Variants in ARMC3 observed in about 807,000 individuals in gnomAD.
The protein encoded by ARMC3 is armadillo repeat-containing protein 3.
A neutral mutation model predicts 90.3 loss-of-function variants in ARMC3; 74 were observed. The ratio of observed to expected loss-of-function variants is 0.82; its 90% CI spans 0.68 to 0.99. The LOEUF (loss-of-function observed/expected upper bound fraction) is 0.99. Among genes scored for constraint, ARMC3 ranks in the 50% least tolerant of loss-of-function variants. ARMC3 has a pLI of 0.00. For synonymous variants in ARMC3, 334 were observed against 361.8 expected, an observed-to-expected ratio of 0.92 and a Z score of 0.87; for missense variants, 958 against 1,042.8, an observed-to-expected ratio of 0.92 and a Z score of 1.12.
intron 16 of ARMC3, among the ~76,000 whole-genome samples, chr10:23,016,101 T>G (rs1724138794): frequency 6.6e-6 from 1 of 152,216 alleles, no homozygotes; most frequent in African/African-American, 2.4e-5. Flanking sequence ...TTGGGTGGAA[T>G]AGGACACCCA....
At chr10:22,948,419 G>T (rs1834621318) in intron 3 of ARMC3, among the ~76,000 whole-genome samples, 1 of 151,830 alleles carries the variant, frequency 6.6e-6, no homozygotes, top group South Asian at 2.1e-4. Context: ...ATAATTTTAA[G>T]TCTGATGTTT....
chr10:23,023,034 T>C (rs1192377575), intron 16 of ARMC3, among the ~76,000 whole-genome samples: 1 of 151,990 alleles, frequency 6.6e-6, no homozygotes, highest in Non-Finnish European at 1.5e-5. Context: ...CCAAGAGACA[T>C]GGACTGGGGG....
At chr10:23,033,788 G>T (rs1839016896) in intron 18 of ARMC3, among the ~76,000 whole-genome samples, 1 of 152,166 alleles carries the variant, frequency 6.6e-6, no homozygotes, top group Non-Finnish European at 1.5e-5. Context: ...AAGAAGTGTG[G>T]TTGATCCATG....
chr10:23,032,427 G>A (rs577952850), intron 17 of ARMC3, among the ~76,000 whole-genome samples: 1 of 152,244 alleles, frequency 6.6e-6, no homozygotes, highest in South Asian at 2.1e-4. Flanking sequence ...AATGTTCTGT[G>A]TGTTTGTCTT....
intron 16 of ARMC3, among the ~76,000 whole-genome samples, chr10:23,026,919 T>C (rs1451019171): frequency 6.6e-6 from 1 of 152,162 alleles, no homozygotes; most frequent in African/African-American, 2.4e-5. Flanking sequence ...CAAAAATCAG[T>C]GGAGCATATT....
At chr10:22,948,926 T>C (rs1442025612) in intron 3 of ARMC3, among the ~76,000 whole-genome samples, 3 of 152,170 alleles carry the variant, frequency 2.0e-5, no homozygotes, top group Non-Finnish European at 4.4e-5. Flanking sequence ...GTGAGGGTAA[T>C]AGTTGGAACA....
chr10:22,937,483 A>G lies in ARMC3; in HGVS notation c.48+5439A>G, dbSNP rs189216815. Among the ~76,000 whole-genome samples, 473 of 152,278 alleles carry G rather than the reference A, an allele frequency of 3.1e-3. 7 individuals are homozygous for G. The highest frequency in any genetic ancestry group is 2.7e-3 in the Non-Finnish European group (187 of 68,018). On this transcript the variant is annotated intron_variant, in intron 2 of 18. Coordinates refer to ENST00000298032, the MANE Select transcript of ARMC3 (RefSeq NM_173081.5). Reference sequence around the variant, plus strand: ...TGTTTTAGATGTGGGTTGGTGGAGAAGATGGCCAGCTGGGACATGAGGGGA... The same window carrying G: ...TGTTTTAGATGTGGGTTGGTGGAGAGGATGGCCAGCTGGGACATGAGGGGA...
chr10:22,994,854 A>C (rs1397119428), intron 10 of ARMC3, among the ~76,000 whole-genome samples: 1 of 152,220 alleles, frequency 6.6e-6, no homozygotes, highest in African/African-American at 2.4e-5. Flanking sequence ...GTCAAGCTTC[A>C]CCTCTGTTTA....
intron 8 of ARMC3, among the ~76,000 whole-genome samples, chr10:22,970,330 C>T (rs1462737619): frequency 6.6e-6 from 1 of 152,158 alleles, no homozygotes; most frequent in African/African-American, 2.4e-5. Context: ...TGGTAAGTTC[C>T]AGAACCGAAA....
chr10:22,981,546 T>G, intron 9 of ARMC3, 49 bp from the exon 10 acceptor site: 1 of 1,613,322 alleles, frequency 6.2e-7, no homozygotes, highest in South Asian at 1.1e-5. Flanking sequence ...CGTATTTTAG[T>G]GCACATGGGC....
At chr10:22,964,253 G>A (rs931995122) in intron 7 of ARMC3, among the ~76,000 whole-genome samples, 1 of 151,896 alleles carries the variant, frequency 6.6e-6, no homozygotes, top group Non-Finnish European at 1.5e-5. Context: ...TTTTTAAAAG[G>A]AACTAAAGAG....
chr10:22,936,403 G>C (rs1031312299), intron 2 of ARMC3, among the ~76,000 whole-genome samples: 3 of 152,140 alleles, frequency 2.0e-5, no homozygotes, highest in African/African-American at 7.2e-5. Flanking sequence ...CACAAAATCA[G>C]AACGTTTTCA....
At chr10:22,968,257 T>C (rs768239379) in intron 7 of ARMC3, 49 bp from the exon 8 acceptor site, 1 of 1,537,496 alleles carries the variant, frequency 6.5e-7, no homozygotes, top group South Asian at 1.1e-5. Context: ...ATTTGGGAAG[T>C]GTACATTTTA....
chr10:23,018,079 A>G (rs1838354146), intron 16 of ARMC3, among the ~76,000 whole-genome samples: 2 of 152,228 alleles, frequency 1.3e-5, no homozygotes, highest in Non-Finnish European at 2.9e-5. Context: ...TTTGCATATC[A>G]CTGGTTAATT....
intron 7 of ARMC3, among the ~76,000 whole-genome samples, chr10:22,964,805 T>C (rs553412776): frequency 6.6e-6 from 1 of 151,454 alleles, no homozygotes; most frequent in South Asian, 2.1e-4. Context: ...TTTTTTGCCG[T>C]ATTTCTTTGT....
At chr10:22,946,567 C>A (rs562809067) in intron 3 of ARMC3, 118 of 206,896 alleles carry the variant, frequency 5.7e-4, no homozygotes, top group African/African-American at 2.7e-3. Context: ...ACAATTAGAA[C>A]AACAAAGTAA....
chr10:22,999,901 C>T (rs1355296605), intron 11 of ARMC3, among the ~76,000 whole-genome samples: 2 of 152,210 alleles, frequency 1.3e-5, no homozygotes, highest in African/African-American at 2.4e-5. Flanking sequence ...TTACCAAGTA[C>T]TGCGTGCCAG....
intron 10 of ARMC3, among the ~76,000 whole-genome samples, chr10:22,990,975 C>G (rs959279220): frequency 6.6e-6 from 1 of 151,856 alleles, no homozygotes; most frequent in African/African-American, 2.4e-5. Flanking sequence ...TTCTCCCCCT[C>G]TCTGCTTCCT....
At chr10:22,976,548 C>G (rs1285844480) in intron 8 of ARMC3, among the ~76,000 whole-genome samples, 1 of 152,216 alleles carries the variant, frequency 6.6e-6, no homozygotes, top group Non-Finnish European at 1.5e-5. Flanking sequence ...CCAGACCAGC[C>G]TTCACCTTTA....
Sources: gnomAD v4.1 joint callset for allele counts (sites outside exome capture counted in the v4.1 genomes callset) on GRCh38, gnomAD v4.1.1 for gene constraint, MANE v1.5 for transcripts, NCBI Gene and HGNC (gene_info 2026-07-23, HGNC 2026-07-21) for gene names.